ZBTB20: variants seen among roughly 807,000 people sequenced by gnomAD.
ZBTB20 encodes the protein zinc finger and BTB domain-containing protein 20.
A neutral mutation model predicts 56.9 loss-of-function variants in ZBTB20; 9 were observed. The observed-to-expected ratio is 0.16, with a 90% CI of 0.10 to 0.28. ZBTB20 has a LOEUF of 0.28. ZBTB20 is among the 10% of genes least tolerant of loss of function. The pLI, the probability that ZBTB20 is intolerant of heterozygous loss-of-function variation, is 1.00. For missense variants in ZBTB20, 655 were observed against 1,003.0 expected (o/e 0.65, Z 4.69); for synonymous variants, 417 against 420.7 (o/e 0.99, Z 0.11).
At chr3:115,117,423 C>CT (rs1470909875) in intron 1 of ZBTB20, among the ~76,000 whole-genome samples, 2 of 152,084 alleles carry the variant, frequency 1.3e-5, no homozygotes, top group African/African-American at 2.4e-5. Context: ...TTTCCCAGAC[C>CT]TTATCAGATT....
At chr3:114,535,719 T>G (rs1027978142) in intron 6 of ZBTB20, among the ~76,000 whole-genome samples, 3 of 152,162 alleles carry the variant, frequency 2.0e-5, no homozygotes, top group African/African-American at 7.2e-5. Context: ...ATATCCCTGA[T>G]GAACATTGAT....
At chr3:114,578,879 G>T (rs978667555) in intron 6 of ZBTB20, among the ~76,000 whole-genome samples, 1 of 151,582 alleles carries the variant, frequency 6.6e-6, no homozygotes, top group Non-Finnish European at 1.5e-5. Flanking sequence ...AAAAATATTA[G>T]TAAATATAAT....
At chr3:114,962,095 T>C (rs1454240873) in intron 3 of ZBTB20, among the ~76,000 whole-genome samples, 1 of 152,084 alleles carries the variant, frequency 6.6e-6, no homozygotes, top group African/African-American at 2.4e-5. Context: ...TATTTTAAAA[T>C]TGAACTCCAC....
chr3:114,976,569 T>C (rs1560455164), intron 2 of ZBTB20, among the ~76,000 whole-genome samples: 4 of 150,162 alleles, frequency 2.7e-5, no homozygotes, highest in Admixed American at 1.3e-4. Flanking sequence ...GAGGTTGCAG[T>C]GAGCCAAGAT....
chr3:114,353,493 T>C (rs1400056111), intron 10 of ZBTB20, among the ~76,000 whole-genome samples: 2 of 152,258 alleles, frequency 1.3e-5, no homozygotes, highest in African/African-American at 4.8e-5. Context: ...ATCAGGTCTG[T>C]TATGTGCCTA....
intron 2 of ZBTB20, among the ~76,000 whole-genome samples, chr3:115,012,357 A>C (rs1209933165): frequency 1.3e-5 from 2 of 151,882 alleles, no homozygotes; most frequent in Non-Finnish European, 1.5e-5. Context: ...ACAGACTGAA[A>C]ATAAAAGGAT....
intron 4 of ZBTB20, among the ~76,000 whole-genome samples, chr3:114,838,069 T>C (rs1032722543): frequency 6.6e-6 from 1 of 152,182 alleles, no homozygotes; most frequent in Non-Finnish European, 1.5e-5. Context: ...AAAGTAGCAG[T>C]ACAGCCTCAG....
At position 114,638,908 on chromosome 3, in the gene ZBTB20, T is replaced by C. The variant is rs1046828304; in HGVS notation, c.-295+54620A>G. ...GGAGAGATGATATAAACAAGTCTTCTATTAAATGTGAAGACAATACCATGC... is the reference window on the plus strand; with the variant it reads ...GGAGAGATGATATAAACAAGTCTTCCATTAAATGTGAAGACAATACCATGC... On this transcript the variant is annotated intron_variant, in intron 6 of 11. Transcript: ENST00000675478. Among the ~76,000 whole-genome samples, 11 of 152,076 alleles carry C rather than the reference T, an allele frequency of 7.2e-5. No homozygotes were observed. The South Asian group carries it at 8.3e-4, about 11-fold the overall frequency.
intron 7 of ZBTB20, among the ~76,000 whole-genome samples, chr3:114,488,478 A>G (rs1271517554): frequency 6.6e-6 from 1 of 152,236 alleles, no homozygotes; most frequent in African/African-American, 2.4e-5. Context: ...TTTAAAATAC[A>G]TGTATTTTTT....
chr3:114,765,490 C>A (rs1376886736), intron 5 of ZBTB20, among the ~76,000 whole-genome samples: 1 of 152,068 alleles, frequency 6.6e-6, no homozygotes, highest in Non-Finnish European at 1.5e-5. Flanking sequence ...AGAAACTAAG[C>A]AAGAGGCATG....
chr3:114,576,954 A>G (rs1325570364), intron 6 of ZBTB20, among the ~76,000 whole-genome samples: 1 of 152,194 alleles, frequency 6.6e-6, no homozygotes, highest in Non-Finnish European at 1.5e-5. Context: ...ATAATGTTAA[A>G]AGATAACAAA....
intron 7 of ZBTB20, among the ~76,000 whole-genome samples, chr3:114,486,562 G>GA (rs1216195884): frequency 1.3e-5 from 2 of 151,764 alleles, no homozygotes; most frequent in Non-Finnish European, 1.5e-5. Flanking sequence ...TAAAAGCATA[G>GA]AAAAAAAACT....
At chr3:114,761,931 G>A (rs1194504183) in intron 5 of ZBTB20, among the ~76,000 whole-genome samples, 2 of 151,880 alleles carry the variant, frequency 1.3e-5, no homozygotes, top group South Asian at 2.1e-4. Flanking sequence ...GGCATTTGAA[G>A]TATTCAGAGT....
chr3:114,787,267 C>A (rs2070568746), intron 5 of ZBTB20, among the ~76,000 whole-genome samples: 1 of 148,578 alleles, frequency 6.7e-6, no homozygotes, highest in Admixed American at 6.8e-5. Flanking sequence ...CATGAGCTAA[C>A]CATACCCAGC....
intron 6 of ZBTB20, among the ~76,000 whole-genome samples, chr3:114,595,503 G>C (rs1021402137): frequency 6.6e-6 from 1 of 152,186 alleles, no homozygotes; most frequent in African/African-American, 2.4e-5. Flanking sequence ...TCAAATGTTA[G>C]AGACCTGAAT....
chr3:114,792,071 AT>A (rs1382186733), intron 5 of ZBTB20: 1 of 152,150 alleles, frequency 6.6e-6, no homozygotes, highest in African/African-American at 2.4e-5. Context: ...TTCCCTAGAA[AT>A]TTACTGTTTC....
At chr3:114,964,820 G>A (rs1011901211) in intron 3 of ZBTB20, among the ~76,000 whole-genome samples, 5 of 152,140 alleles carry the variant, frequency 3.3e-5, no homozygotes, top group Non-Finnish European at 5.9e-5. Context: ...ATAGGAAAAG[G>A]TAAAGAGATA....
At chr3:114,515,865 T>A (rs986519380) in intron 6 of ZBTB20, among the ~76,000 whole-genome samples, 1 of 152,210 alleles carries the variant, frequency 6.6e-6, no homozygotes, top group African/African-American at 2.4e-5. Flanking sequence ...ATAACAATGA[T>A]AATAAACTAA....
intron 4 of ZBTB20, among the ~76,000 whole-genome samples, chr3:114,837,373 C>T (rs1053016120): frequency 6.6e-6 from 1 of 152,108 alleles, no homozygotes; most frequent in African/African-American, 2.4e-5. Flanking sequence ...CAACTTACCC[C>T]CAAACTTAGT....
Sources: gnomAD v4.1 joint callset for allele counts (sites outside exome capture counted in the v4.1 genomes callset) on GRCh38, gnomAD v4.1.1 for gene constraint, MANE v1.5 for transcripts, NCBI Gene and HGNC (gene_info 2026-07-23, HGNC 2026-07-21) for gene names.